TSPAN2: variants seen among roughly 807,000 people sequenced by gnomAD.
TSPAN2 encodes tetraspanin-2.
Under a neutral mutation model 33.3 loss-of-function variants are expected in TSPAN2, and 24 were observed. The ratio of observed to expected loss-of-function variants is 0.72; its 90% confidence interval spans 0.52 to 1.01. The LOEUF (loss-of-function observed/expected upper bound fraction) is 1.01. Among genes scored for constraint, TSPAN2 ranks in the 50% least tolerant of loss-of-function variants. The probability of loss-of-function intolerance (pLI) is 0.00; values close to 1 mark genes in which losing one functional copy is unlikely to be tolerated. For synonymous variants in TSPAN2, 114 were observed against 104.5 expected, an observed-to-expected ratio of 1.09 and a Z score of -0.56; for missense variants, 278 against 281.3, an observed-to-expected ratio of 0.99 and a Z score of 0.08.
At chr1:115,061,411 G>C (rs1232596138) in intron 3 of TSPAN2, among the ~76,000 whole-genome samples, 1 of 152,186 alleles carries the variant, frequency 6.6e-6, no homozygotes, top group East Asian at 1.9e-4. Context: ...AACAGAGGTT[G>C]CTTGTTAAAA....
chr1:115,073,908 C>A (rs1469117625), intron 1 of TSPAN2, among the ~76,000 whole-genome samples: 1 of 152,106 alleles, frequency 6.6e-6, no homozygotes, highest in Non-Finnish European at 1.5e-5. Flanking sequence ...TTGCTGCGTG[C>A]CAGCAGGCTC....
At chr1:115,063,068 A>G (rs1647798709) in intron 2 of TSPAN2, among the ~76,000 whole-genome samples, 1 of 152,198 alleles carries the variant, frequency 6.6e-6, no homozygotes, top group Admixed American at 6.5e-5. Context: ...TAAAAGAATA[A>G]TTTCATGAGG....
chr1:115,075,593 T>G (rs189285514), intron 1 of TSPAN2, among the ~76,000 whole-genome samples: 7 of 152,202 alleles, frequency 4.6e-5, no homozygotes, highest in African/African-American at 1.7e-4. Context: ...TTCACACCAG[T>G]TCCAGTCCAG....
rs903848403 is a variant in TSPAN2 at position 115,051,252 on chromosome 1, T to A, written c.601-697A>T. On this transcript the variant is annotated intron_variant, in intron 7 of 7. Transcript: ENST00000369516. ...TGAGCCCAGGAGGTCGAGGCTGCAG[T>A]GAGCTGTGATTGCACCACTTCACTC... Among the ~76,000 whole-genome samples, 35 of 152,106 alleles carry A rather than the reference T, an allele frequency of 2.3e-4. 1 individual carries two copies. Among genetic ancestry groups the A allele is most frequent in the Admixed American group, 1.5e-3 (23 of 15,278 alleles).
intron 4 of TSPAN2, among the ~76,000 whole-genome samples, chr1:115,059,796 A>G (rs1647596839): frequency 6.6e-6 from 1 of 152,238 alleles, no homozygotes. Flanking sequence ...GACATTTACT[A>G]TTCTACATGT....
chr1:115,078,200 C>T (rs2101044475), intron 1 of TSPAN2, among the ~76,000 whole-genome samples: 1 of 152,338 alleles, frequency 6.6e-6, no homozygotes, highest in East Asian at 1.9e-4. Context: ...GGAAGCCTAC[C>T]ATGACCTAGA....
chr1:115,051,256 C>CTG, intron 7 of TSPAN2, among the ~76,000 whole-genome samples: 1 of 152,106 alleles, frequency 6.6e-6, no homozygotes, highest in Non-Finnish European at 1.5e-5. Context: ...CTGCAGTGAG[C>CTG]TGTGATTGCA....
intron 2 of TSPAN2, among the ~76,000 whole-genome samples, chr1:115,062,974 G>A (rs1647795036): frequency 6.6e-6 from 1 of 152,206 alleles, no homozygotes; most frequent in Non-Finnish European, 1.5e-5. Context: ...TCAGGGCCCT[G>A]AGGCCTTGCT....
intron 1 of TSPAN2, among the ~76,000 whole-genome samples, chr1:115,087,689 T>C (rs1250501612): frequency 6.6e-6 from 1 of 152,016 alleles, no homozygotes; most frequent in Non-Finnish European, 1.5e-5. Flanking sequence ...CTGTGTGATC[T>C]TAGGTGACTT....
Position 115,054,170 on chromosome 1 carries a change from C to T in TSPAN2, c.517-708G>A, listed in dbSNP as rs578032018. Among the ~76,000 whole-genome samples, 20 of 152,302 alleles carry T rather than the reference C, an allele frequency of 1.3e-4. No homozygotes were observed. The South Asian group carries it at 4.1e-3, about 32-fold the overall frequency. ...ATTAGTTTCTCCAACTTCAAACACT[C>T]CTATTTGGAGTGCTCTTAAGTAGAG... On this transcript the variant is annotated intron_variant, in intron 6 of 7. Transcript: ENST00000369516.
chr1:115,059,086 C>T, intron 4 of TSPAN2, 105 bp from the exon 5 acceptor site: 2 of 868,868 alleles, frequency 2.3e-6, no homozygotes, highest in East Asian at 2.4e-5. Context: ...AAAACACTGC[C>T]TTTCTCATAA....
chr1:115,082,945 C>T (rs1463390579), intron 1 of TSPAN2, among the ~76,000 whole-genome samples: 5 of 152,218 alleles, frequency 3.3e-5, no homozygotes, highest in Admixed American at 6.5e-5. Flanking sequence ...TACACTATTT[C>T]GTGAGATTGT....
chr1:115,053,520 CT>C, intron 6 of TSPAN2, 58 bp from the exon 7 acceptor site: 1 of 1,407,158 alleles, frequency 7.1e-7, no homozygotes, highest in Non-Finnish European at 1.0e-6. Context: ...AGTCATTATC[CT>C]GATCCTATCC....
chr1:115,054,638 C>T (rs1647323820), intron 6 of TSPAN2, among the ~76,000 whole-genome samples: 1 of 151,862 alleles, frequency 6.6e-6, no homozygotes. Context: ...GTAGCAAGCA[C>T]ACTCCTGACT....
chr1:115,066,293 T>C (rs1034081308), intron 2 of TSPAN2, among the ~76,000 whole-genome samples: 5 of 152,220 alleles, frequency 3.3e-5, no homozygotes, highest in African/African-American at 9.6e-5. Flanking sequence ...GATAGCTCTA[T>C]ATTTATTTTT....
rs1211392699 is a variant in TSPAN2, at chr1:115,058,962, G to A, written c.365C>T (p.Thr122Ile). ...ATCATTGTAAGCCTCTTCATACATGGTCTGAACATGTCGGATAGCCTGAAG... is the reference window on the plus strand; with the variant it reads ...ATCATTGTAAGCCTCTTCATACATGATCTGAACATGTCGGATAGCCTGAAG... ...GKGVAIRHVQ[T>I]MYEEAYNDYL... The change falls in exon 5 of 8, where the codon ACC becomes ATC. Residue 122 changes from threonine (T) to isoleucine (I), a missense_variant. Coordinates refer to ENST00000369516, the MANE Select transcript of TSPAN2 (RefSeq NM_005725.6). 41 of 1,613,502 alleles carry A rather than the reference G, an allele frequency of 2.5e-5. No individual in the cohort carries two copies. Among genetic ancestry groups the A allele is most frequent in the Non-Finnish European group, 3.3e-5 (39 of 1,179,688 alleles).
intron 1 of TSPAN2, 78 bp downstream of exon 1, chr1:115,089,286 C>A (rs566493388): frequency 3.0e-6 from 4 of 1,339,308 alleles, no homozygotes; most frequent in East Asian, 5.6e-5. Context: ...ACGCCGCAGT[C>A]AGCAGCTCGG....
At position 115,069,608 on chromosome 1, in the gene TSPAN2, A is replaced by G. The variant is rs536843410; in HGVS notation, c.172+3297T>C. 4.6e-5 allele frequency among the ~76,000 whole-genome samples: 7 copies of G among 152,376 alleles called. No homozygotes were observed. The South Asian group carries it at 1.4e-3, about 32-fold the overall frequency. ...TGGCTCCAGACTGGACTCTGGTCAC[A>G]TCATCTGAGTCCCTGAGACCAGTAT... is the stretch of plus-strand genomic sequence containing the variant. On this transcript the variant is annotated intron_variant, in intron 2 of 7. Transcript: ENST00000369516.
chr1:115,060,859 A>G (rs924540728), intron 3 of TSPAN2, among the ~76,000 whole-genome samples: 4 of 152,230 alleles, frequency 2.6e-5, no homozygotes, highest in African/African-American at 9.6e-5. Context: ...AAATCCCACC[A>G]CCTAGAACAC....
Sources: gnomAD v4.1 joint callset for allele counts (sites outside exome capture counted in the v4.1 genomes callset) on GRCh38, gnomAD v4.1.1 for gene constraint, MANE v1.5 for transcripts, NCBI Gene and HGNC (gene_info 2026-07-23, HGNC 2026-07-21) for gene names.